IMMP2L: variants seen among roughly 807,000 people sequenced by gnomAD.
IMMP2L encodes inner mitochondrial membrane peptidase subunit 2, also known as mitochondrial inner membrane protease subunit 2.
IMMP2L carries 18 observed loss-of-function variants against 19.3 expected under a neutral mutation model. That is an observed-to-expected ratio of 0.93 (90% CI 0.64 to 1.38). The LOEUF is 1.38. Among genes scored for constraint, IMMP2L ranks in the 40% most tolerant of loss-of-function variants. The probability of loss-of-function intolerance (pLI) is 0.00; values close to 1 mark genes in which losing one functional copy is unlikely to be tolerated. For missense variants in IMMP2L, 233 were observed against 218.2 expected, an observed-to-expected ratio of 1.07 and a Z score of -0.43; for synonymous variants, 76 against 73.0, an observed-to-expected ratio of 1.04 and a Z score of -0.21.
intron 3 of IMMP2L, among the ~76,000 whole-genome samples, chr7:111,211,829 T>C (rs1401158183): frequency 1.3e-5 from 2 of 151,792 alleles, no homozygotes; most frequent in Non-Finnish European, 2.9e-5. Flanking sequence ...CCGTCTCTAC[T>C]AAAAAAATAC....
At chr7:110,804,736 C>T (rs1251325473) in intron 5 of IMMP2L, among the ~76,000 whole-genome samples, 1 of 152,096 alleles carries the variant, frequency 6.6e-6, no homozygotes, top group East Asian at 1.9e-4. Context: ...AAACCCACTC[C>T]CCGCTGGGGC....
intron 1 of IMMP2L, among the ~76,000 whole-genome samples, chr7:111,526,320 TTTAA>T (rs1024338322): frequency 7.2e-5 from 11 of 152,180 alleles, no homozygotes; most frequent in Non-Finnish European, 7.3e-5. Context: ...TTTATATTGT[TTTAA>T]TTGTTTAATA....
In IMMP2L at chr7:111,007,283, T is replaced by G. The variant is rs144001886; in HGVS notation, c.240-43718A>C. On this transcript the variant is annotated intron_variant, in intron 3 of 5. Transcript: ENST00000405709. ...AAATCACCCTCATTATCCAAACACC[T>G]TCCTTCCTGGACATGTCAGGATTAC... Among the ~76,000 whole-genome samples the G allele has an allele frequency of 1.8e-3, 267 of 152,200 alleles. 1 individual carries two copies. Among genetic ancestry groups the G allele is most frequent in the African/African-American group, 5.3e-3 (220 of 41,540 alleles).
At chr7:110,852,848 T>C (rs1806376189) in intron 5 of IMMP2L, among the ~76,000 whole-genome samples, 1 of 152,004 alleles carries the variant, frequency 6.6e-6, no homozygotes, top group African/African-American at 2.4e-5. Flanking sequence ...ACAGCCAGCA[T>C]AATTTGTCAG....
At chr7:111,321,223 A>G (rs1824673063) in intron 3 of IMMP2L, among the ~76,000 whole-genome samples, 1 of 152,004 alleles carries the variant, frequency 6.6e-6, no homozygotes, top group African/African-American at 2.4e-5. Flanking sequence ...CGATAATACC[A>G]AAAAAGCATC....
At chr7:110,798,225 T>A (rs1020716108) in intron 5 of IMMP2L, among the ~76,000 whole-genome samples, 1 of 151,980 alleles carries the variant, frequency 6.6e-6, no homozygotes, top group Non-Finnish European at 1.5e-5. Flanking sequence ...GATTAACTAA[T>A]TCAAACAGAT....
chr7:110,808,499 G>A lies in IMMP2L; in HGVS notation c.408+78094C>T, dbSNP rs534547073. Among the ~76,000 whole-genome samples, 16 of 152,170 alleles carry A rather than the reference G, an allele frequency of 1.1e-4. No homozygotes were observed. The South Asian group carries it at 3.3e-3, about 32-fold the overall frequency. On this transcript the variant is annotated intron_variant, in intron 5 of 5. Transcript: ENST00000405709. ...GCTATTAATTGACTTAGCTCCAGGA[G>A]TACTGTATAAAACATATGGCACAAG...
intron 4 of IMMP2L, among the ~76,000 whole-genome samples, chr7:110,907,297 G>T (rs937169022): frequency 6.6e-6 from 1 of 152,108 alleles, no homozygotes; most frequent in African/African-American, 2.4e-5. Flanking sequence ...GTGTAAAGGG[G>T]AGCTGAAAGG....
At chr7:111,006,441 A>C (rs1415475721) in intron 3 of IMMP2L, among the ~76,000 whole-genome samples, 1 of 152,174 alleles carries the variant, frequency 6.6e-6, no homozygotes, top group South Asian at 2.1e-4. Context: ...CCAGGAAACA[A>C]CTAGTTTAAT....
intron 3 of IMMP2L, among the ~76,000 whole-genome samples, chr7:111,298,882 G>C (rs1186592994): frequency 6.6e-6 from 1 of 151,832 alleles, no homozygotes; most frequent in Non-Finnish European, 1.5e-5. Flanking sequence ...GCAAGAAGAA[G>C]AATGCAGGCA....
chr7:111,196,427 T>C, intron 3 of IMMP2L, among the ~76,000 whole-genome samples: 1 of 152,162 alleles, frequency 6.6e-6, no homozygotes, highest in Non-Finnish European at 1.5e-5. Flanking sequence ...AGTGTTAAAC[T>C]AGAACAATGT....
At chr7:110,879,494 A>G (rs1400183772) in intron 5 of IMMP2L, among the ~76,000 whole-genome samples, 1 of 152,130 alleles carries the variant, frequency 6.6e-6, no homozygotes, top group African/African-American at 2.4e-5. Flanking sequence ...AAGTACTGTA[A>G]CTTGGTGTCT....
chr7:110,985,912 C>T (rs1021595422), intron 3 of IMMP2L, among the ~76,000 whole-genome samples: 5 of 152,088 alleles, frequency 3.3e-5, no homozygotes, highest in East Asian at 1.9e-4. Flanking sequence ...CATTTACCAA[C>T]GTAATGATAA....
chr7:111,303,693 T>C (rs1287395032), intron 3 of IMMP2L, among the ~76,000 whole-genome samples: 1 of 152,138 alleles, frequency 6.6e-6, no homozygotes, highest in Non-Finnish European at 1.5e-5. Context: ...AGTTTTTGAA[T>C]ATTAAGCTTC....
At chr7:111,155,220 T>A (rs1165233592) in intron 3 of IMMP2L, among the ~76,000 whole-genome samples, 2 of 152,100 alleles carry the variant, frequency 1.3e-5, no homozygotes, top group Non-Finnish European at 2.9e-5. Context: ...CTTCCTTAAG[T>A]GGAATGCAGA....
intron 5 of IMMP2L, among the ~76,000 whole-genome samples, chr7:110,759,227 A>G (rs1332128551): frequency 6.6e-6 from 1 of 151,916 alleles, no homozygotes; most frequent in Non-Finnish European, 1.5e-5. Context: ...TCTTGTTCCT[A>G]TTGTACTCTG....
chr7:110,664,359 T>C (rs1301086577), intron 5 of IMMP2L, among the ~76,000 whole-genome samples: 7 of 150,650 alleles, frequency 4.6e-5, no homozygotes, highest in Admixed American at 1.3e-4. Context: ...CTAGTACTCA[T>C]GGAGAGAGGT....
chr7:111,062,131 G>A (rs1305852179), intron 3 of IMMP2L, among the ~76,000 whole-genome samples: 2 of 152,032 alleles, frequency 1.3e-5, no homozygotes, highest in Non-Finnish European at 2.9e-5. Flanking sequence ...CATGCTGCTG[G>A]TAAAGACACA....
chr7:110,718,410 C>A (rs995415123), intron 5 of IMMP2L, among the ~76,000 whole-genome samples: 1 of 151,974 alleles, frequency 6.6e-6, no homozygotes, highest in Admixed American at 6.6e-5. Context: ...CTACTGCTAT[C>A]CAATGGAAGA....
Sources: allele counts gnomAD v4.1 joint callset (sites outside exome capture counted in the v4.1 genomes callset), GRCh38; gene constraint gnomAD v4.1.1; transcripts MANE v1.5; gene names NCBI Gene and HGNC (gene_info 2026-07-23, HGNC 2026-07-21).